The following SLC24A3 variants were observed in gnomAD, a reference collection of about 807,000 sequenced individuals.
The protein encoded by SLC24A3 is sodium/potassium/calcium exchanger 3.
In SLC24A3, 28 loss-of-function variants were observed where a neutral mutation model predicts 75.8. The observed-to-expected ratio is 0.37, with a 90% CI of 0.27 to 0.51. The LOEUF (loss-of-function observed/expected upper bound fraction) is 0.51. SLC24A3 is among the 20% of genes least tolerant of loss of function. SLC24A3 has a pLI of 0.94. For missense variants in SLC24A3, 663 were observed against 847.8 expected, an observed-to-expected ratio of 0.78 and a Z score of 2.71; for synonymous variants, 372 against 334.1, an observed-to-expected ratio of 1.11 and a Z score of -1.24.
intron 3 of SLC24A3, among the ~76,000 whole-genome samples, chr20:19,560,940 A>G (rs1384046382): frequency 1.3e-5 from 2 of 152,196 alleles, no homozygotes; most frequent in African/African-American, 4.8e-5. Flanking sequence ...TTAGAATCAT[A>G]TGTACGTGTG....
At chr20:19,486,830 T>C (rs554480069) in intron 2 of SLC24A3, among the ~76,000 whole-genome samples, 1 of 152,352 alleles carries the variant, frequency 6.6e-6, no homozygotes, top group African/African-American at 2.4e-5. Context: ...ACCCAGACCC[T>C]GCAGAATCAA....
At chr20:19,598,270 G>A (rs2031476626) in intron 6 of SLC24A3, among the ~76,000 whole-genome samples, 1 of 152,098 alleles carries the variant, frequency 6.6e-6, no homozygotes, top group Non-Finnish European at 1.5e-5. Flanking sequence ...GCATTTGAAT[G>A]GAAACCTGGA....
chr20:19,562,509 A>C (rs985573315), intron 3 of SLC24A3, among the ~76,000 whole-genome samples: 1 of 152,198 alleles, frequency 6.6e-6, no homozygotes, highest in East Asian at 1.9e-4. Flanking sequence ...CTAATTGTCT[A>C]ACAAGAGAGG....
chr20:19,639,899 C>G (rs549223931), intron 6 of SLC24A3, among the ~76,000 whole-genome samples: 2 of 152,258 alleles, frequency 1.3e-5, no homozygotes, highest in African/African-American at 4.8e-5. Context: ...TTACCTGGGC[C>G]GGCAGGGCCG....
At chr20:19,655,679 G>T (rs6035402) in intron 7 of SLC24A3, among the ~76,000 whole-genome samples, 41,745 of 151,954 alleles carry the variant, frequency 0.27, 6,312 homozygotes, top group South Asian at 0.34. Context: ...GGGTGAATTT[G>T]CCCTTTCTGT....
intron 2 of SLC24A3, among the ~76,000 whole-genome samples, chr20:19,435,796 A>G (rs1987189370): frequency 6.6e-6 from 1 of 152,262 alleles, no homozygotes; most frequent in Non-Finnish European, 1.5e-5. Context: ...GCTCATGGTT[A>G]TAGGAGAAAC....
intron 1 of SLC24A3, among the ~76,000 whole-genome samples, chr20:19,273,447 GCTTT>G (rs1187200966): frequency 8.5e-5 from 13 of 152,278 alleles, no homozygotes; most frequent in Admixed American, 6.5e-4. Context: ...CAGGACTTCT[GCTTT>G]CTCTGTGCCG....
intron 3 of SLC24A3, among the ~76,000 whole-genome samples, chr20:19,575,945 AAATGATCTTTATACAGGGAG>A (rs2031128528): frequency 1.3e-5 from 2 of 152,300 alleles, no homozygotes; most frequent in South Asian, 4.1e-4. Flanking sequence ...GGTGAACCAG[AAATGATCTTTATACAGGGAG>A]ATAGCTGGGC....
chr20:19,678,941 G>A (rs1238546124), intron 9 of SLC24A3, among the ~76,000 whole-genome samples: 2 of 151,034 alleles, frequency 1.3e-5, no homozygotes, highest in African/African-American at 2.4e-5. Context: ...CATCTCAGAC[G>A]ATGGGAGGCC....
intron 2 of SLC24A3, among the ~76,000 whole-genome samples, chr20:19,452,866 C>T (rs1001141922): frequency 1.3e-5 from 2 of 151,828 alleles, no homozygotes; most frequent in African/African-American, 2.4e-5. Flanking sequence ...AATAATAATA[C>T]TAATAATAAA....
At chr20:19,704,933 G>A (rs1244697723) in intron 15 of SLC24A3, among the ~76,000 whole-genome samples, 1 of 152,160 alleles carries the variant, frequency 6.6e-6, no homozygotes, top group African/African-American at 2.4e-5. Flanking sequence ...CCAAGGCACA[G>A]CGGTTAAATC....
chr20:19,229,426 T>C (rs948142907), intron 1 of SLC24A3, among the ~76,000 whole-genome samples: 1 of 152,190 alleles, frequency 6.6e-6, no homozygotes, highest in Non-Finnish European at 1.5e-5. Flanking sequence ...TTTATTTCCT[T>C]TTTATTATTT....
chr20:19,577,097 G>A (rs921170294), intron 3 of SLC24A3, among the ~76,000 whole-genome samples: 17 of 150,754 alleles, frequency 1.1e-4, no homozygotes, highest in Admixed American at 9.2e-4. Context: ...CTCTGTCGCC[G>A]AGGCTGGAGT....
At chr20:19,296,949 A>G (rs1030228566) in intron 2 of SLC24A3, among the ~76,000 whole-genome samples, 1 of 152,214 alleles carries the variant, frequency 6.6e-6, no homozygotes, top group Non-Finnish European at 1.5e-5. Context: ...AATTGGTTGA[A>G]TTCACAGATA....
chr20:19,362,200 CAGG>C (rs759215092), intron 2 of SLC24A3, among the ~76,000 whole-genome samples: 45 of 152,214 alleles, frequency 3.0e-4, no homozygotes, highest in Admixed American at 3.3e-4. Context: ...AACATAGACG[CAGG>C]AGATGTTATT....
chr20:19,324,266 T>C (rs1336103818), intron 2 of SLC24A3, among the ~76,000 whole-genome samples: 1 of 152,186 alleles, frequency 6.6e-6, no homozygotes, highest in African/African-American at 2.4e-5. Context: ...CTTCCCCTCA[T>C]TAGAGAAGGG....
intron 3 of SLC24A3, among the ~76,000 whole-genome samples, chr20:19,557,402 A>G (rs989524636): frequency 1.3e-5 from 2 of 152,172 alleles, no homozygotes; most frequent in Admixed American, 6.5e-5. Context: ...CACCATGAAC[A>G]TCAGAAAATG....
chr20:19,614,999 A>C (rs1226195510), intron 6 of SLC24A3, among the ~76,000 whole-genome samples: 2 of 152,200 alleles, frequency 1.3e-5, no homozygotes, highest in African/African-American at 4.8e-5. Flanking sequence ...TAAAGCCGTA[A>C]TCTTTTAAGC....
At chr20:19,512,464 G>A (rs1326676572) in intron 2 of SLC24A3, among the ~76,000 whole-genome samples, 1 of 152,194 alleles carries the variant, frequency 6.6e-6, no homozygotes, top group African/African-American at 2.4e-5. Flanking sequence ...ATGTGGGCTG[G>A]CATGGAGACC....
Sources: allele counts gnomAD v4.1 joint callset (sites outside exome capture counted in the v4.1 genomes callset), GRCh38; gene constraint gnomAD v4.1.1; transcripts MANE v1.5; gene names NCBI Gene and HGNC (gene_info 2026-07-23, HGNC 2026-07-21).